GAS7: variants seen among roughly 807,000 people sequenced by gnomAD.
GAS7 encodes the protein growth arrest-specific protein 7.
In GAS7, 28 loss-of-function variants were observed where a neutral mutation model predicts 71.1. The observed-to-expected ratio is 0.39, with a 90% CI of 0.29 to 0.54. The LOEUF (loss-of-function observed/expected upper bound fraction) is 0.54. Ranked by LOEUF, GAS7 falls within the 20% of genes least tolerant of loss-of-function variation. The probability of loss-of-function intolerance (pLI) is 0.62; values close to 1 mark genes in which losing one functional copy is unlikely to be tolerated. For missense variants in GAS7, 436 were observed against 627.8 expected, an observed-to-expected ratio of 0.69 and a Z score of 3.27; for synonymous variants, 258 against 245.8, an observed-to-expected ratio of 1.05 and a Z score of -0.46.
chr17:9,982,853 GAAAGAAAGA>G (rs2070476662), intron 2 of GAS7, among the ~76,000 whole-genome samples: 1 of 150,024 alleles, frequency 6.7e-6, no homozygotes, highest in Admixed American at 6.6e-5. Flanking sequence ...AAGAAAGAAA[GAAAGAAAGA>G]AAGAAAGCAA....
intron 8 of GAS7, among the ~76,000 whole-genome samples, chr17:9,936,171 A>G (rs2152085684): frequency 6.6e-6 from 1 of 152,302 alleles, no homozygotes; most frequent in Admixed American, 6.5e-5. Context: ...TCTAGGGTGA[A>G]AGCCAACACT....
intron 8 of GAS7, among the ~76,000 whole-genome samples, chr17:9,938,187 G>A (rs957206235): frequency 5.9e-5 from 9 of 152,104 alleles, no homozygotes; most frequent in Non-Finnish European, 1.3e-4. Flanking sequence ...GTGCAGCCCT[G>A]ATCTGATAGG....
At chr17:10,046,519 T>C (rs552975997) in intron 1 of GAS7, among the ~76,000 whole-genome samples, 5 of 151,406 alleles carry the variant, frequency 3.3e-5, no homozygotes, top group Non-Finnish European at 7.4e-5. Context: ...GGGCAGATCA[T>C]GAGGTCAGGA....
At chr17:10,036,299 C>A (rs1396638126) in intron 1 of GAS7, 1 of 792,422 alleles carries the variant, frequency 1.3e-6, no homozygotes, top group African/African-American at 1.7e-5. Context: ...GTCCCCAGAC[C>A]ACCACAGCTC....
chr17:10,065,261 G>C (rs2073269269), intron 1 of GAS7, among the ~76,000 whole-genome samples: 1 of 152,182 alleles, frequency 6.6e-6, no homozygotes, highest in Non-Finnish European at 1.5e-5. Flanking sequence ...TGCACTTGTG[G>C]GTAAGCTTCT....
chr17:10,108,481 A>T (rs548455472), intron 1 of GAS7, among the ~76,000 whole-genome samples: 1 of 152,316 alleles, frequency 6.6e-6, no homozygotes, highest in East Asian at 1.9e-4. Flanking sequence ...GTGATTTTCT[A>T]TTTAATGCAT....
chr17:10,014,820 T>C (rs2071926015), intron 2 of GAS7, among the ~76,000 whole-genome samples: 1 of 152,050 alleles, frequency 6.6e-6, no homozygotes. Flanking sequence ...GCTAGCACAG[T>C]GACAACCTCA....
chr17:10,019,958 A>C, intron 1 of GAS7, 61 bp from the exon 2 acceptor site: 8 of 1,523,462 alleles, frequency 5.3e-6, no homozygotes, highest in Non-Finnish European at 7.2e-6. Context: ...TTTTTAAACC[A>C]GGAAGGCAAA....
At chr17:10,167,342 C>T (rs937266410) in intron 1 of GAS7, among the ~76,000 whole-genome samples, 18 of 152,172 alleles carry the variant, frequency 1.2e-4, no homozygotes, top group Admixed American at 6.5e-4. Context: ...TGAGCCACCA[C>T]GCCCAGCCTC....
chr17:9,975,474 G>T (rs3893090), intron 3 of GAS7, among the ~76,000 whole-genome samples: 68,205 of 148,828 alleles, frequency 0.46, 17,165 homozygotes, highest in African/African-American at 0.67. Flanking sequence ...CTTCCCTTCG[G>T]GCTTCTTTTT....
rs1297170726 is a variant in GAS7 at position 9,916,373 on chromosome 17, A to C, written c.*855T>G. 1 of 233,164 alleles carries C rather than the reference A, an allele frequency of 4.3e-6. No individual in the cohort carries two copies. The highest frequency in any genetic ancestry group is 8.5e-6 in the Non-Finnish European group (1 of 118,058). The allele number at this position is 233,164 out of a possible 1,614,324, so 14.4% of individuals were successfully genotyped here. ...ACGAGCTGGTTTGTTTCCATCCCTG[A>C]AGCCTTTGGACGAGCTGGATGAGGT... On this transcript the variant is annotated 3_prime_UTR_variant, in exon 14 of 14. Coordinates refer to ENST00000432992, the MANE Select transcript of GAS7 (RefSeq NM_201433.2).
chr17:10,139,662 G>A (rs2074065197), intron 1 of GAS7, among the ~76,000 whole-genome samples: 1 of 152,208 alleles, frequency 6.6e-6, no homozygotes, highest in African/African-American at 2.4e-5. Flanking sequence ...TTTCTACTGT[G>A]TCAACATGGC....
chr17:10,088,324 A>G (rs1461577492), intron 1 of GAS7, among the ~76,000 whole-genome samples: 1 of 151,988 alleles, frequency 6.6e-6, no homozygotes, highest in Non-Finnish European at 1.5e-5. Context: ...CCACTGGGAC[A>G]GGCCATGGGT....
chr17:10,039,880 G>A (rs2072830508), intron 1 of GAS7: 2 of 357,938 alleles, frequency 5.6e-6, no homozygotes, highest in Non-Finnish European at 1.1e-5. Flanking sequence ...CTTTCCCTTG[G>A]ACATATCAAT....
intron 1 of GAS7, among the ~76,000 whole-genome samples, chr17:10,067,892 A>G (rs536760383): frequency 1.4e-4 from 21 of 152,324 alleles, no homozygotes; most frequent in South Asian, 1.0e-3. Flanking sequence ...AGGAAAGTTG[A>G]TATCAACATT....
chr17:10,161,696 G>T (rs958898313), intron 1 of GAS7, among the ~76,000 whole-genome samples: 1 of 152,096 alleles, frequency 6.6e-6, no homozygotes, highest in Non-Finnish European at 1.5e-5. Flanking sequence ...ATGCCCTCCA[G>T]CCCAAGCCAA....
chr17:10,154,679 A>G (rs757503775), intron 1 of GAS7, among the ~76,000 whole-genome samples: 44 of 152,116 alleles, frequency 2.9e-4, no homozygotes, highest in Non-Finnish European at 5.6e-4. Flanking sequence ...AAAAGAAAGA[A>G]AGAAAAACAG....
chr17:9,918,116 G>A lies in GAS7; in HGVS notation c.1219-17C>T, dbSNP rs1397103184. 1.3e-6 allele frequency: 2 copies of A among 1,597,150 alleles called. No individual in the cohort carries two copies. Among genetic ancestry groups the A allele is most frequent in the East Asian group, 2.2e-5 (1 of 44,764 alleles). On this transcript the variant is annotated splice_polypyrimidine_tract_variant and intron_variant, in intron 12 of 13. Transcript: ENST00000432992. ...CTCTAGCTCCTGCCGAGAAAGCAAA[G>A]GCCAGAGAACTCTGAGCACGTCCCC... is the stretch of plus-strand genomic sequence containing the variant.
chr17:10,172,341 C>T (rs534767032), intron 1 of GAS7, among the ~76,000 whole-genome samples: 2 of 152,212 alleles, frequency 1.3e-5, no homozygotes, highest in Non-Finnish European at 2.9e-5. Context: ...TCCGGCCCTG[C>T]CCAAGGATTC....
Sources: gnomAD v4.1 joint callset for allele counts (sites outside exome capture counted in the v4.1 genomes callset) on GRCh38, gnomAD v4.1.1 for gene constraint, MANE v1.5 for transcripts, NCBI Gene and HGNC (gene_info 2026-07-23, HGNC 2026-07-21) for gene names.